The following GALNT13 variants were observed in gnomAD, a reference collection of about 807,000 sequenced individuals.
The protein encoded by GALNT13 is UDP-GalNAc:polypeptide N-acetylgalactosaminyltransferase 13.
Under a neutral mutation model 64.2 loss-of-function variants are expected in GALNT13, and 28 were observed. The observed-to-expected ratio is 0.44, with a 90% CI of 0.32 to 0.60. The LOEUF (loss-of-function observed/expected upper bound fraction) is 0.60. GALNT13 is among the 20% of genes least tolerant of loss of function. The pLI is 0.05. For synonymous variants in GALNT13, 214 were observed against 224.6 expected (o/e 0.95, Z 0.42); for missense variants, 577 against 669.8 (o/e 0.86, Z 1.53).
chr2:154,347,229 A>G (rs577979228), intron 9 of GALNT13, among the ~76,000 whole-genome samples: 2 of 152,174 alleles, frequency 1.3e-5, no homozygotes, highest in East Asian at 1.9e-4. Flanking sequence ...TTCCTCTTCT[A>G]TATACTCTGC....
the GALNT13 span, among the ~76,000 whole-genome samples, chr2:153,384,116 C>A: frequency 6.6e-6 from 1 of 151,966 alleles, no homozygotes; most frequent in Non-Finnish European, 1.5e-5. Flanking sequence ...GGAAAAGTGT[C>A]AAATTCAATG....
the GALNT13 span, among the ~76,000 whole-genome samples, chr2:153,556,344 A>T: frequency 1.3e-5 from 2 of 152,226 alleles, no homozygotes; most frequent in African/African-American, 4.8e-5. Context: ...TATAAACTTT[A>T]CATCCTTTAC....
At chr2:154,088,286 A>G (rs1295110523) in intron 3 of GALNT13, among the ~76,000 whole-genome samples, 3 of 152,112 alleles carry the variant, frequency 2.0e-5, no homozygotes, top group African/African-American at 2.4e-5. Context: ...ACTATCCTGT[A>G]CTTTAACTAG....
chr2:154,391,145 A>G (rs1341470004), intron 9 of GALNT13, among the ~76,000 whole-genome samples: 1 of 152,068 alleles, frequency 6.6e-6, no homozygotes. Flanking sequence ...CCTTTGTTGT[A>G]TGGTAGCCCC....
At chr2:154,189,145 A>G (rs1686424165) in intron 4 of GALNT13, among the ~76,000 whole-genome samples, 1 of 152,138 alleles carries the variant, frequency 6.6e-6, no homozygotes, top group African/African-American at 2.4e-5. Flanking sequence ...ACTAGTGTAT[A>G]GAGATGGAAT....
chr2:154,288,957 G>A (rs781338691), intron 8 of GALNT13, among the ~76,000 whole-genome samples: 5 of 152,216 alleles, frequency 3.3e-5, no homozygotes, highest in Non-Finnish European at 5.9e-5. Flanking sequence ...GACTCTGTGT[G>A]GGGGCTTGCA....
intron 3 of GALNT13, among the ~76,000 whole-genome samples, chr2:154,056,537 A>G (rs1699902905): frequency 6.6e-6 from 1 of 152,296 alleles, no homozygotes; most frequent in Non-Finnish European, 1.5e-5. Context: ...TTGGACTTGA[A>G]TTAATTTTCA....
At chr2:153,778,530 A>C in the GALNT13 span, among the ~76,000 whole-genome samples, 26 of 152,192 alleles carry the variant, frequency 1.7e-4, no homozygotes, top group Non-Finnish European at 1.5e-4. Context: ...GCAATTCTCC[A>C]TTCATAAGGA....
chr2:154,220,704 AAAG>A (rs1384529772), intron 4 of GALNT13, among the ~76,000 whole-genome samples: 3 of 152,096 alleles, frequency 2.0e-5, no homozygotes, highest in Non-Finnish European at 4.4e-5. Context: ...AGTTGTCATA[AAAG>A]TAGTCAACAG....
chr2:153,377,545 G>C, the GALNT13 span, among the ~76,000 whole-genome samples: 1 of 152,100 alleles, frequency 6.6e-6, no homozygotes, highest in Non-Finnish European at 1.5e-5. Context: ...AAGCCTGGCA[G>C]CCCTCCTCTG....
chr2:154,312,653 T>C (rs1694111066), intron 9 of GALNT13, among the ~76,000 whole-genome samples: 1 of 152,218 alleles, frequency 6.6e-6, no homozygotes, highest in East Asian at 1.9e-4. Context: ...TTTTTTGGTT[T>C]ATACATTGTT....
the GALNT13 span, among the ~76,000 whole-genome samples, chr2:153,740,770 T>C: frequency 6.6e-6 from 1 of 152,130 alleles, no homozygotes; most frequent in Admixed American, 6.6e-5. Flanking sequence ...AAAAGTTGAG[T>C]GACAGTTGGG....
chr2:154,038,040 G>A (rs1312906950), intron 3 of GALNT13, among the ~76,000 whole-genome samples: 3 of 152,084 alleles, frequency 2.0e-5, no homozygotes, highest in Non-Finnish European at 4.4e-5. Context: ...CTCAGCCACT[G>A]AGGTGGCAGG....
intron 9 of GALNT13, among the ~76,000 whole-genome samples, chr2:154,364,046 T>C (rs1274251766): frequency 6.6e-6 from 1 of 152,180 alleles, no homozygotes; most frequent in Non-Finnish European, 1.5e-5. Context: ...ACAGGTTATA[T>C]ATATTGAATG....
At chr2:154,189,359 C>T (rs1198854248) in intron 4 of GALNT13, among the ~76,000 whole-genome samples, 4 of 151,362 alleles carry the variant, frequency 2.6e-5, no homozygotes, top group Non-Finnish European at 5.9e-5. Flanking sequence ...GGAGATGGAA[C>T]CTTTGAAAAG....
chr2:153,640,048 G>A, the GALNT13 span, among the ~76,000 whole-genome samples: 1 of 152,104 alleles, frequency 6.6e-6, no homozygotes. Context: ...TGAAGCAGTT[G>A]CCAATTCCAT....
intron 4 of GALNT13, among the ~76,000 whole-genome samples, chr2:154,154,335 A>G (rs1684271134): frequency 1.3e-5 from 2 of 152,216 alleles, no homozygotes; most frequent in Admixed American, 1.3e-4. Context: ...GGCCTGTGAG[A>G]GGAGAAAACA....
At chr2:153,597,989 T>C in the GALNT13 span, among the ~76,000 whole-genome samples, 1 of 152,148 alleles carries the variant, frequency 6.6e-6, no homozygotes, top group African/African-American at 2.4e-5. Context: ...GGTATAAATG[T>C]AAAGTGGTAC....
intron 9 of GALNT13, among the ~76,000 whole-genome samples, chr2:154,321,335 C>A (rs1208972327): frequency 6.6e-6 from 1 of 152,128 alleles, no homozygotes; most frequent in African/African-American, 2.4e-5. Context: ...ATCCTATAAT[C>A]TTTGTCAAGT....
Sources: gnomAD v4.1 joint callset for allele counts (sites outside exome capture counted in the v4.1 genomes callset) on GRCh38, gnomAD v4.1.1 for gene constraint, MANE v1.5 for transcripts, NCBI Gene and HGNC (gene_info 2026-07-23, HGNC 2026-07-21) for gene names.